The following CAMTA1 variants were observed in gnomAD, a reference collection of about 807,000 sequenced individuals.
CAMTA1 encodes calmodulin-binding transcription activator 1.
CAMTA1 carries 27 observed loss-of-function variants against 170.9 expected under a neutral mutation model. The ratio of observed to expected loss-of-function variants is 0.16; its 90% CI spans 0.12 to 0.22. The LOEUF is 0.22. Ranked by LOEUF, CAMTA1 falls within the 10% of genes least tolerant of loss-of-function variation. The pLI, the probability that CAMTA1 is intolerant of heterozygous loss-of-function variation, is 1.00. For missense variants in CAMTA1, 1,619 were observed against 2,217.2 expected (o/e 0.73, Z 5.42); for synonymous variants, 833 against 891.5 (o/e 0.93, Z 1.17).
intron 3 of CAMTA1, among the ~76,000 whole-genome samples, chr1:6,975,150 G>A (rs1474977629): frequency 6.6e-6 from 1 of 152,144 alleles, no homozygotes; most frequent in Non-Finnish European, 1.5e-5. Flanking sequence ...GCTGGAAGGT[G>A]GCAGAGCTGG....
rs1323410730 is a variant in CAMTA1, at chr1:7,585,510, G to C, written c.511-54890G>C. Among the ~76,000 whole-genome samples, 1 of 151,996 alleles carries C rather than the reference G, an allele frequency of 6.6e-6. No individual in the cohort carries two copies. Among genetic ancestry groups the C allele is most frequent in the African/African-American group, 2.4e-5 (1 of 41,242 alleles). The stretch of plus-strand genomic sequence containing the variant: ...ATAGGAGTGACGAGGCTACAGAGGT[G>C]ACCAGGACCAGATGGGTCCAGCCCA... On this transcript the variant is annotated intron_variant, in intron 6 of 22. Coordinates refer to ENST00000303635, the MANE Select transcript of CAMTA1 (RefSeq NM_015215.4). The surrounding 1 kb of genome is among the most constrained non-coding windows in gnomAD (Gnocchi z 4.8).
intron 4 of CAMTA1, among the ~76,000 whole-genome samples, chr1:7,162,226 T>C (rs532225901): frequency 2.0e-5 from 3 of 152,162 alleles, no homozygotes; most frequent in East Asian, 3.9e-4. Flanking sequence ...TTATAGGTCA[T>C]GGTAGGGAGC....
At chr1:7,497,164 G>A (rs980056194) in intron 6 of CAMTA1, among the ~76,000 whole-genome samples, 2 of 152,300 alleles carry the variant, frequency 1.3e-5, no homozygotes, top group East Asian at 1.9e-4. Context: ...TCTGTCAGAC[G>A]GGAGAAGCTG....
At chr1:7,186,836 T>C (rs1301387337) in intron 4 of CAMTA1, among the ~76,000 whole-genome samples, 1 of 152,060 alleles carries the variant, frequency 6.6e-6, no homozygotes, top group African/African-American at 2.4e-5. Context: ...ACGCTGGCAG[T>C]GTAGAGAAAC....
intron 5 of CAMTA1, among the ~76,000 whole-genome samples, chr1:7,265,285 C>T (rs1213500184): frequency 3.3e-5 from 5 of 152,254 alleles, no homozygotes; most frequent in African/African-American, 9.6e-5. Context: ...TGAAAAGAAG[C>T]CACTTTTTAT....
intron 4 of CAMTA1, among the ~76,000 whole-genome samples, chr1:7,241,772 C>A (rs1336229938): frequency 6.6e-6 from 1 of 152,100 alleles, no homozygotes; most frequent in Non-Finnish European, 1.5e-5. Context: ...TAAACTTGAC[C>A]TTTATCTCAC....
intron 3 of CAMTA1, among the ~76,000 whole-genome samples, chr1:6,826,073 C>G (rs1337103431): frequency 6.6e-6 from 1 of 152,186 alleles, no homozygotes; most frequent in Non-Finnish European, 1.5e-5. Context: ...ATTGGACACT[C>G]AGTTCTGTTA....
intron 5 of CAMTA1, among the ~76,000 whole-genome samples, chr1:7,273,785 A>G (rs1404130225): frequency 6.6e-6 from 1 of 152,238 alleles, no homozygotes; most frequent in Non-Finnish European, 1.5e-5. Context: ...TGTCTAAAAC[A>G]TAAGTAATAA....
intron 5 of CAMTA1, among the ~76,000 whole-genome samples, chr1:7,466,217 A>T (rs2093208024): frequency 1.3e-5 from 2 of 152,212 alleles, no homozygotes; most frequent in South Asian, 4.1e-4. Context: ...AACAACGAAA[A>T]CAAAACACCG....
At chr1:7,332,612 C>T (rs2083100767) in intron 5 of CAMTA1, among the ~76,000 whole-genome samples, 1 of 152,150 alleles carries the variant, frequency 6.6e-6, no homozygotes, top group African/African-American at 2.4e-5. Context: ...GAGAATTATT[C>T]ACCTAATTTT....
At chr1:7,402,443 A>G (rs955520535) in intron 5 of CAMTA1, among the ~76,000 whole-genome samples, 1 of 152,198 alleles carries the variant, frequency 6.6e-6, no homozygotes, top group Admixed American at 6.5e-5. Context: ...CCCTGAGGCC[A>G]TGATAGGCAG....
chr1:6,799,268 T>C (rs1374522783), intron 1 of CAMTA1, among the ~76,000 whole-genome samples: 1 of 152,132 alleles, frequency 6.6e-6, no homozygotes, highest in East Asian at 1.9e-4. Flanking sequence ...AGGGTCTTGC[T>C]ATGTTGCGCA....
intron 3 of CAMTA1, among the ~76,000 whole-genome samples, chr1:7,069,400 C>G (rs1224609312): frequency 6.6e-6 from 1 of 152,174 alleles, no homozygotes; most frequent in African/African-American, 2.4e-5. Context: ...AGCCTCACCT[C>G]CTTCCATCGG....
rs965404106 is a variant in CAMTA1, at chr1:7,547,370, A to G, written c.510+79469A>G. On this transcript the variant is annotated intron_variant, in intron 6 of 22. Transcript: ENST00000303635. This position sits in a 1 kb window ranked among gnomAD's most constrained non-coding sequence, Gnocchi z 5.7. Reference sequence around the variant, plus strand: ...TATGCACACACACACACACACACACACACACACACACACACACACAGAGTT... The same window carrying G: ...TATGCACACACACACACACACACACGCACACACACACACACACACAGAGTT... 4.0e-5 allele frequency among the ~76,000 whole-genome samples: 6 copies of G among 151,892 alleles called. No homozygotes were observed. Among genetic ancestry groups the G allele is most frequent in the African/African-American group, 1.2e-4 (5 of 41,322 alleles).
chr1:7,598,802 T>C (rs2095419889), intron 6 of CAMTA1, among the ~76,000 whole-genome samples: 1 of 152,234 alleles, frequency 6.6e-6, no homozygotes, highest in Admixed American at 6.5e-5. Context: ...TTTTTTCTTG[T>C]AAATTTGTTT....
At chr1:6,937,521 C>T (rs1359067362) in intron 3 of CAMTA1, among the ~76,000 whole-genome samples, 1 of 132,230 alleles carries the variant, frequency 7.6e-6, no homozygotes, top group Non-Finnish European at 1.6e-5. Context: ...ACTATCATCA[C>T]CATCACCATC....
intron 7 of CAMTA1, among the ~76,000 whole-genome samples, chr1:7,644,115 TC>T (rs1239342892): frequency 1.3e-5 from 2 of 152,294 alleles, no homozygotes; most frequent in Admixed American, 1.3e-4. Context: ...AATGTCGTGC[TC>T]CCCAGGGCTG....
At chr1:7,500,349 G>A (rs1391701953) in intron 6 of CAMTA1, among the ~76,000 whole-genome samples, 1 of 148,910 alleles carries the variant, frequency 6.7e-6, no homozygotes, top group African/African-American at 2.5e-5. Context: ...TGTGAGCCTG[G>A]TGTGCGTGTG....
At chr1:7,343,813 T>C (rs114479432) in intron 5 of CAMTA1, among the ~76,000 whole-genome samples, 1,806 of 152,324 alleles carry the variant, frequency 0.012, 40 homozygotes, top group African/African-American at 0.042. Flanking sequence ...TCTTCTGGGG[T>C]TGGCTTTTGA....
Sources: gnomAD v4.1 joint callset for allele counts (sites outside exome capture counted in the v4.1 genomes callset) on GRCh38, gnomAD v4.1.1 for gene constraint, Gnocchi (gnomAD v3.1) non-coding constraint, MANE v1.5 for transcripts, NCBI Gene and HGNC (gene_info 2026-07-23, HGNC 2026-07-21) for gene names.